Variants in PTDSS1 observed in about 807,000 individuals in gnomAD.
The protein encoded by PTDSS1 is phosphatidylserine synthase 1.
Under a neutral mutation model 70.5 loss-of-function variants are expected in PTDSS1, and 45 were observed. The ratio of observed to expected loss-of-function variants is 0.64; its 90% CI spans 0.50 to 0.82. PTDSS1 has a LOEUF of 0.82. PTDSS1 is among the 40% of genes least tolerant of loss of function. PTDSS1 has a pLI of 0.00. For synonymous variants in PTDSS1, 188 were observed against 203.8 expected (o/e 0.92, Z 0.66); for missense variants, 417 against 586.1 (o/e 0.71, Z 2.98).
chr8:96,321,540 C>T (rs889013560), intron 10 of PTDSS1, among the ~76,000 whole-genome samples: 3 of 152,162 alleles, frequency 2.0e-5, no homozygotes, highest in African/African-American at 7.2e-5. Context: ...CCCTTTTGTC[C>T]TATAGATTTT....
chr8:96,330,075 T>C (rs1811491936), intron 10 of PTDSS1, 138 bp from the exon 11 acceptor site: 4 of 765,160 alleles, frequency 5.2e-6, no homozygotes, highest in Non-Finnish European at 8.8e-6. Context: ...GTCTGATCTC[T>C]GCCACGTCCA....
Position 96,283,615 on chromosome 8 carries a change from T to TCA in PTDSS1, c.272-476_272-475dup, listed in dbSNP as rs3060812. 884 of 150,058 alleles carry TCA rather than the reference T, an allele frequency of 5.9e-3. 3 individuals carry two copies. The highest frequency in any genetic ancestry group is 0.042 in the East Asian group (211 of 5,060). The allele number at this position is 150,058 out of a possible 1,614,324, so 9.3% of individuals were successfully genotyped here. A position where few individuals can be genotyped will look rare whatever the true frequency, so the allele number is the denominator to read the frequency against. On this transcript the variant is annotated intron_variant, in intron 2 of 12. Coordinates refer to ENST00000517309, the MANE Select transcript of PTDSS1 (RefSeq NM_014754.3). ...ATTTTTCAGTCTCTCTCTCTCTCTCTCACACACACACACACACACCCACAC... is the reference window on the plus strand; with the variant it reads ...ATTTTTCAGTCTCTCTCTCTCTCTCTCACACACACACACACACACACCCACAC...
rs778625066 is a variant in PTDSS1, at chr8:96,333,690, G to C, written c.*124G>C. The C allele has an allele frequency of 4.5e-6, 4 of 887,998 alleles. No homozygotes were observed. The Admixed American group carries it at 7.8e-5, about 17-fold the overall frequency. 55.0% of individuals were successfully genotyped at this position (887,998 alleles called of 1,614,324 possible). A position where few individuals can be genotyped will look rare whatever the true frequency, so the allele number is the denominator to read the frequency against. On this transcript the variant is annotated 3_prime_UTR_variant, in exon 13 of 13. Transcript: ENST00000517309. ...CAAGCAGGAAGAGGCGAGGGCACTT[G>C]GGGGTCATTATTTGAGATCGTAAGT...
At chr8:96,273,803 G>A (rs569039534) in intron 2 of PTDSS1, among the ~76,000 whole-genome samples, 25 of 152,176 alleles carry the variant, frequency 1.6e-4, no homozygotes, top group Non-Finnish European at 3.1e-4. Context: ...GGTCAATGCT[G>A]TAATGAGTAT....
chr8:96,311,544 G>A (rs1047846063), intron 9 of PTDSS1, among the ~76,000 whole-genome samples: 25 of 152,176 alleles, frequency 1.6e-4, no homozygotes, highest in Non-Finnish European at 5.9e-5. Flanking sequence ...GTGTATGTGT[G>A]TGTGTGTTTC....
intron 10 of PTDSS1, among the ~76,000 whole-genome samples, chr8:96,323,392 G>A (rs941785392): frequency 8.5e-5 from 13 of 152,326 alleles, no homozygotes; most frequent in Admixed American, 4.6e-4. Context: ...GCAGTTCGCC[G>A]CATCCTTTGA....
intron 4 of PTDSS1, among the ~76,000 whole-genome samples, chr8:96,288,253 A>G (rs768506045): frequency 1.3e-5 from 2 of 152,190 alleles, no homozygotes; most frequent in Non-Finnish European, 2.9e-5. Flanking sequence ...CCCTCCCAGC[A>G]TGTGGATGTG....
At position 96,335,249 on chromosome 8, in the gene PTDSS1, C is replaced by G. The variant is rs904380761; in HGVS notation, c.*1683C>G. On this transcript the variant is annotated 3_prime_UTR_variant, in exon 13 of 13. Coordinates refer to ENST00000517309, the MANE Select transcript of PTDSS1 (RefSeq NM_014754.3). ...ACCTGCCTGCACTTTTATAACCCAT[C>G]AAAGAGGCCATTTTTAAACACAGGT... 3 of 152,202 alleles carry G rather than the reference C, an allele frequency of 2.0e-5. No homozygotes were observed. The highest frequency in any genetic ancestry group is 7.2e-5 in the African/African-American group (3 of 41,448). The allele number at this position is 152,202 out of a possible 1,614,324, so 9.4% of individuals were successfully genotyped here. A position where few individuals can be genotyped will look rare whatever the true frequency, so the allele number is the denominator to read the frequency against.
chr8:96,314,925 CT>C (rs1486836349), intron 9 of PTDSS1, among the ~76,000 whole-genome samples: 1 of 151,830 alleles, frequency 6.6e-6, no homozygotes, highest in Non-Finnish European at 1.5e-5. Flanking sequence ...AGCCGATCCC[CT>C]TTCTTCAAAT....
chr8:96,328,643 C>T (rs1236832412), intron 10 of PTDSS1, among the ~76,000 whole-genome samples: 2 of 152,178 alleles, frequency 1.3e-5, no homozygotes, highest in Non-Finnish European at 2.9e-5. Context: ...GTAACTGGCA[C>T]GGAAGAGGAC....
chr8:96,309,553 T>G lies in PTDSS1; in HGVS notation c.1008-4T>G. 1 of 1,612,802 alleles carries G rather than the reference T, an allele frequency of 6.2e-7. No individual in the cohort carries two copies. Among genetic ancestry groups the G allele is most frequent in the Non-Finnish European group, 8.5e-7 (1 of 1,179,012 alleles). On this transcript the variant is annotated splice_region_variant and splice_polypyrimidine_tract_variant and intron_variant, in intron 8 of 12. Transcript: ENST00000517309. ...CTCAATGAATTCCAACTTTGTTCTT[T>G]CAGACAGTACTACGCTTACCTCACC...
chr8:96,308,549 C>G (rs1416011210), intron 8 of PTDSS1, among the ~76,000 whole-genome samples: 1 of 152,100 alleles, frequency 6.6e-6, no homozygotes, highest in Non-Finnish European at 1.5e-5. Context: ...GGGGTACTTA[C>G]AAGACTCCAA....
chr8:96,332,312 G>C (rs763845014), intron 12 of PTDSS1, among the ~76,000 whole-genome samples: 17 of 152,188 alleles, frequency 1.1e-4, no homozygotes, highest in Non-Finnish European at 1.8e-4. Flanking sequence ...GCTGAAGAAA[G>C]AAAATTAGAA....
rs940507375 is a variant in PTDSS1, at chr8:96,333,918, C to T, written c.*352C>T. On this transcript the variant is annotated 3_prime_UTR_variant, in exon 13 of 13. Transcript: ENST00000517309. Reference sequence around the variant, plus strand: ...ATCGTGGATGCAGCGTAAACATCTTCCTTCAGACGAGGCATTAACCCCATG... The same window carrying T: ...ATCGTGGATGCAGCGTAAACATCTTTCTTCAGACGAGGCATTAACCCCATG... The T allele has an allele frequency of 1.7e-6, 1 of 585,780 alleles. No homozygotes were observed. Among genetic ancestry groups the T allele is most frequent in the Non-Finnish European group, 3.0e-6 (1 of 328,478 alleles). The allele number at this position is 585,780 out of a possible 1,614,324, so 36.3% of individuals were successfully genotyped here. A position where few individuals can be genotyped will look rare whatever the true frequency, so the allele number is the denominator to read the frequency against.
Position 96,299,787 on chromosome 8 carries a change from C to CTGGG in PTDSS1, c.695_698dup (p.Met234GlyfsTer39). ...GTTGTGCAATGGCGGTGGCATTTGG[C>CTGGG]TGGGCATGGTCGTTTGCCGGTTTTT... On this transcript the variant is annotated frameshift_variant, in exon 6 of 13. Transcript: ENST00000517309. LOFTEE classifies it high-confidence loss of function. The CTGGG allele has an allele frequency of 6.2e-7, 1 of 1,614,108 alleles. No individual in the cohort carries two copies. The highest frequency in any genetic ancestry group is 8.5e-7 in the Non-Finnish European group (1 of 1,180,028).
chr8:96,309,534 G>T (rs758211236), intron 8 of PTDSS1, 23 bp from the exon 9 acceptor site: 1 of 1,609,564 alleles, frequency 6.2e-7, no homozygotes, highest in Non-Finnish European at 8.5e-7. Flanking sequence ...AGCTCTCAAT[G>T]AATTCCAACT....
chr8:96,281,990 C>T (rs1810744828), intron 2 of PTDSS1, among the ~76,000 whole-genome samples: 1 of 152,094 alleles, frequency 6.6e-6, no homozygotes, highest in South Asian at 2.1e-4. Flanking sequence ...TGACTCCTGT[C>T]GTTATGATTG....
intron 4 of PTDSS1, among the ~76,000 whole-genome samples, chr8:96,290,375 C>A (rs1246316870): frequency 1.3e-5 from 2 of 152,176 alleles, no homozygotes; most frequent in Non-Finnish European, 2.9e-5. Flanking sequence ...CCAGTTCTCA[C>A]AGCCAGTAGG....
chr8:96,299,892 A>G, intron 6 of PTDSS1, 47 bp downstream of exon 6: 1 of 1,564,732 alleles, frequency 6.4e-7, no homozygotes, highest in Non-Finnish European at 8.6e-7. Context: ...TTCATGATAT[A>G]TATTTAATTG....
Sources: gnomAD v4.1 joint callset for allele counts (sites outside exome capture counted in the v4.1 genomes callset) on GRCh38, gnomAD v4.1.1 for gene constraint, MANE v1.5 for transcripts, NCBI Gene and HGNC (gene_info 2026-07-23, HGNC 2026-07-21) for gene names.